Variants in KATNIP observed in about 807,000 individuals in gnomAD.
KATNIP encodes the protein katanin interacting protein, also known as katanin-interacting protein.
In KATNIP, 126 loss-of-function variants were observed where a neutral mutation model predicts 174.0. The ratio of observed to expected loss-of-function variants is 0.72; its 90% CI spans 0.63 to 0.84. KATNIP has a LOEUF of 0.84. Among genes scored for constraint, KATNIP ranks in the 40% least tolerant of loss-of-function variants. The probability of loss-of-function intolerance (pLI) is 0.00; values close to 1 mark genes in which losing one functional copy is unlikely to be tolerated. For missense variants in KATNIP, 1,958 were observed against 2,109.7 expected (o/e 0.93, Z 1.41); for synonymous variants, 810 against 835.7 (o/e 0.97, Z 0.53).
chr16:27,748,704 A>C (rs1263985946), intron 15 of KATNIP, among the ~76,000 whole-genome samples: 2 of 152,084 alleles, frequency 1.3e-5, no homozygotes, highest in East Asian at 3.9e-4. Context: ...GGATCGCTTG[A>C]GGCCAGGAGG....
chr16:27,668,700 T>G (rs931755359), intron 6 of KATNIP, among the ~76,000 whole-genome samples: 4 of 152,062 alleles, frequency 2.6e-5, no homozygotes, highest in African/African-American at 9.7e-5. Context: ...ACTGGCGTGT[T>G]AGGAGGTTGA....
rs1372332178 is a variant in KATNIP at position 27,754,172 on chromosome 16, G to A, written c.3553-1G>A. On this transcript the variant is annotated splice_acceptor_variant, in intron 17 of 27. Coordinates refer to ENST00000261588, the MANE Select transcript of KATNIP (RefSeq NM_015202.5). LOFTEE classifies it high-confidence loss of function. The stretch of plus-strand genomic sequence containing the variant: ...CCTCTGCTTCTCCAACCCATGTGCA[G>A]ATCCCGGAGCTAGAGCTCCCATCCA... The A allele has an allele frequency of 6.2e-7, 1 of 1,613,888 alleles. No individual in the cohort carries two copies. Among genetic ancestry groups the A allele is most frequent in the South Asian group, 1.1e-5 (1 of 91,064 alleles).
chr16:27,632,014 G>A (rs2076504030), intron 5 of KATNIP, among the ~76,000 whole-genome samples: 2 of 152,220 alleles, frequency 1.3e-5, no homozygotes, highest in South Asian at 4.1e-4. Context: ...GAGCTGAAGA[G>A]ATGGAGGTTC....
chr16:27,694,513 A>G (rs1164653649), intron 8 of KATNIP, among the ~76,000 whole-genome samples: 1 of 151,948 alleles, frequency 6.6e-6, no homozygotes, highest in Non-Finnish European at 1.5e-5. Flanking sequence ...TTACATCTCC[A>G]GGCCAGGCAC....
chr16:27,686,165 C>G (rs998939872), intron 8 of KATNIP, among the ~76,000 whole-genome samples: 3 of 152,180 alleles, frequency 2.0e-5, no homozygotes, highest in African/African-American at 7.2e-5. Context: ...CTGAAACTTC[C>G]TAAAAGTGCA....
At chr16:27,710,919 G>A (rs2079545822) in intron 13 of KATNIP, among the ~76,000 whole-genome samples, 1 of 152,130 alleles carries the variant, frequency 6.6e-6, no homozygotes, top group Admixed American at 6.5e-5. Context: ...TGGTTCTAGA[G>A]ACCCAGATTC....
chr16:27,725,019 C>T (rs2080388384), intron 14 of KATNIP, among the ~76,000 whole-genome samples: 1 of 152,106 alleles, frequency 6.6e-6, no homozygotes, highest in Admixed American at 6.6e-5. Context: ...CTGTAAGTGT[C>T]AGCTGGGCCA....
In KATNIP at chr16:27,677,946, C is replaced by A. The variant is rs768198044; in HGVS notation, c.758C>A (p.Ser253Tyr). 5.6e-6 allele frequency: 9 copies of A among 1,614,264 alleles called. No individual in the cohort carries two copies. Among genetic ancestry groups the A allele is most frequent in the Non-Finnish European group, 6.8e-6 (8 of 1,180,042 alleles). Residue 253 changes from serine (S) to tyrosine (Y), a missense_variant, in exon 7 of 28, where the codon TCT becomes TAT. Coordinates refer to ENST00000261588, the MANE Select transcript of KATNIP (RefSeq NM_015202.5). The part of the protein sequence containing the change: ...HGEQETEGRS[S>Y]PGPDTLVVLE... Reference sequence around the variant, plus strand: ...GAACAGGAGACAGAAGGACGCTCTTCTCCAGGCCCAGACACCCTCGTGGTG... The same window carrying A: ...GAACAGGAGACAGAAGGACGCTCTTATCCAGGCCCAGACACCCTCGTGGTG...
At chr16:27,778,053 C>T in intron 27 of KATNIP, 84 bp downstream of exon 27, 2 of 1,224,350 alleles carry the variant, frequency 1.6e-6, no homozygotes, top group Non-Finnish European at 2.3e-6. Flanking sequence ...TGCACCCCCA[C>T]CCTCACCCCT....
intron 19 of KATNIP, among the ~76,000 whole-genome samples, chr16:27,762,905 G>A (rs531000012): frequency 5.1e-4 from 78 of 152,274 alleles, no homozygotes; most frequent in African/African-American, 1.9e-3. Flanking sequence ...CCACCCACCT[G>A]CCAGATTATC....
chr16:27,602,975 C>T (rs1250231251), intron 2 of KATNIP, among the ~76,000 whole-genome samples: 1 of 152,226 alleles, frequency 6.6e-6, no homozygotes, highest in African/African-American at 2.4e-5. Context: ...GCTGGGATTA[C>T]AGGCATGAGC....
At chr16:27,682,037 C>A (rs1597158329) in intron 8 of KATNIP, among the ~76,000 whole-genome samples, 1 of 152,320 alleles carries the variant, frequency 6.6e-6, no homozygotes, top group Middle Eastern at 3.4e-3. Flanking sequence ...TTAAAGTAAC[C>A]ATGAGAGTGA....
intron 6 of KATNIP, among the ~76,000 whole-genome samples, chr16:27,662,049 C>CATATAT (rs750894792): frequency 0.15 from 1,318 of 8,620 alleles, 513 homozygotes; most frequent in Non-Finnish European, 0.21. Context: ...TATACACATA[C>CATATAT]ATATATATAT....
At chr16:27,726,195 T>C (rs560931703) in intron 14 of KATNIP, among the ~76,000 whole-genome samples, 161 of 152,318 alleles carry the variant, frequency 1.1e-3, no homozygotes, top group African/African-American at 3.6e-3. Flanking sequence ...TATGAGAATC[T>C]AATGCCTGAT....
chr16:27,774,273 T>C (rs919285732), intron 23 of KATNIP, among the ~76,000 whole-genome samples: 2 of 152,202 alleles, frequency 1.3e-5, no homozygotes, highest in African/African-American at 2.4e-5. Context: ...TTTAGATCAT[T>C]ATTAGCGACT....
chr16:27,650,045 C>T (rs979172367), intron 6 of KATNIP, among the ~76,000 whole-genome samples: 6 of 152,028 alleles, frequency 3.9e-5, no homozygotes, highest in African/African-American at 1.4e-4. Flanking sequence ...TGGTGGTGTG[C>T]GCCTATAATC....
chr16:27,611,701 T>C (rs1427938253), intron 2 of KATNIP, among the ~76,000 whole-genome samples: 1 of 152,196 alleles, frequency 6.6e-6, no homozygotes, highest in Non-Finnish European at 1.5e-5. Context: ...GAGGTAGACC[T>C]TATTGGTATC....
chr16:27,572,362 A>AACACACACACAC (rs3056269), intron 1 of KATNIP, among the ~76,000 whole-genome samples: 6,140 of 138,072 alleles, frequency 0.044, 203 homozygotes, highest in Non-Finnish European at 0.057. Context: ...CAAAAAAGAA[A>AACACACACACAC]ACACACACAC....
At chr16:27,710,382 ATT>A (rs575502288) in intron 13 of KATNIP, among the ~76,000 whole-genome samples, 1 of 152,078 alleles carries the variant, frequency 6.6e-6, no homozygotes, top group Non-Finnish European at 1.5e-5. Context: ...AAACAACAGA[ATT>A]TACAAAAAAA....
Sources: allele counts gnomAD v4.1 joint callset (sites outside exome capture counted in the v4.1 genomes callset), GRCh38; gene constraint gnomAD v4.1.1; transcripts MANE v1.5; gene names NCBI Gene and HGNC (gene_info 2026-07-23, HGNC 2026-07-21).